Variants in NCOR1 observed in about 807,000 individuals in gnomAD.
NCOR1 encodes nuclear receptor corepressor 1.
NCOR1 carries 63 observed loss-of-function variants against 288.1 expected under a neutral mutation model. That is an observed-to-expected ratio of 0.22 (90% CI 0.18 to 0.27). The LOEUF (loss-of-function observed/expected upper bound fraction) is 0.27, where lower values mean the gene tolerates loss of function less well. NCOR1 is among the 10% of genes least tolerant of loss of function. The pLI is 1.00. For synonymous variants in NCOR1, 1,007 were observed against 1,065.9 expected, an observed-to-expected ratio of 0.94 and a Z score of 1.08; for missense variants, 2,397 against 3,019.2, an observed-to-expected ratio of 0.79 and a Z score of 4.83.
At chr17:16,145,602 G>C (rs532221581) in intron 10 of NCOR1, among the ~76,000 whole-genome samples, 1 of 151,868 alleles carries the variant, frequency 6.6e-6, no homozygotes. Flanking sequence ...AGTCTGAGAC[G>C]TGAGGAGCCC....
chr17:16,213,688 A>G (rs1442846823), intron 1 of NCOR1, among the ~76,000 whole-genome samples: 2 of 152,118 alleles, frequency 1.3e-5, no homozygotes, highest in East Asian at 3.8e-4. Context: ...AAACAATTTT[A>G]TAACTATTAA....
chr17:16,119,428 T>C lies in NCOR1; in HGVS notation c.1910A>G (p.Lys637Arg). Residue 637 changes from lysine (K) to arginine (R), a missense_variant, in exon 17 of 46, where the codon AAA (lysine) becomes AGA (arginine). Lys to Arg is a conservative substitution (Grantham distance 26). This residue lies in a region of NCOR1 where 24 missense variants were observed against 84.3 expected (regional missense o/e 0.28). Transcript: ENST00000268712. ...RWTEEEMEVA[K>R]KGLVEHGRNW... ...CCAGAACTACTACAATTTACCTTTT[T>C]TAGCAACTTCCATTTCTTCTTCTGT... is the stretch of plus-strand genomic sequence containing the variant. 6.2e-7 allele frequency: 1 copy of C among 1,609,782 alleles called. No homozygotes were observed. The highest frequency in any genetic ancestry group is 8.5e-7 in the Non-Finnish European group (1 of 1,177,480).
chr17:16,115,008 G>A (rs1451690910), intron 18 of NCOR1, among the ~76,000 whole-genome samples: 1 of 152,094 alleles, frequency 6.6e-6, no homozygotes, highest in African/African-American at 2.4e-5. Flanking sequence ...GCAAACTTCT[G>A]CTTGAACATC....
chr17:16,034,139 G>C (rs976209939), intron 45 of NCOR1, among the ~76,000 whole-genome samples: 1 of 152,218 alleles, frequency 6.6e-6, no homozygotes, highest in African/African-American at 2.4e-5. Context: ...GTTCTCAAAA[G>C]AACTAAAACC....
At position 16,121,282 on chromosome 17, in the gene NCOR1, G is replaced by C; in HGVS notation, c.1635-13C>G. 6.2e-7 allele frequency: 1 copy of C among 1,606,114 alleles called. No individual in the cohort carries two copies. Among genetic ancestry groups the C allele is most frequent in the Non-Finnish European group, 8.5e-7 (1 of 1,175,930 alleles). On this transcript the variant is annotated splice_polypyrimidine_tract_variant and intron_variant, in intron 15 of 45. Transcript: ENST00000268712. Reference sequence around the variant, plus strand: ...CTTGGTATTTTCTCTGGACACAAAAGCAAATGAAAACTTGTGTGATTCCAA... The same window carrying C: ...CTTGGTATTTTCTCTGGACACAAAACCAAATGAAAACTTGTGTGATTCCAA...
chr17:16,211,438 G>A (rs1265970373), intron 1 of NCOR1, among the ~76,000 whole-genome samples: 1 of 151,832 alleles, frequency 6.6e-6, no homozygotes, highest in South Asian at 2.1e-4. Context: ...TCGCTCTGTT[G>A]TGCAGGTTGG....
intron 14 of NCOR1, among the ~76,000 whole-genome samples, chr17:16,131,905 T>A (rs956906293): frequency 6.6e-6 from 1 of 152,206 alleles, no homozygotes; most frequent in Non-Finnish European, 1.5e-5. Context: ...AACCTAAGTA[T>A]CACTGACCCC....
rs758258008 is a variant in NCOR1 at position 16,040,228 on chromosome 17, C to A, written c.6733+213G>T. ...GACAGTGTTCTTTAATAGTTTCATTCTTTTTGTTCATTTATCTTTTCAATA... is the reference window on the plus strand; with the variant it reads ...GACAGTGTTCTTTAATAGTTTCATTATTTTTGTTCATTTATCTTTTCAATA... On this transcript the variant is annotated intron_variant, in intron 43 of 45. Coordinates refer to ENST00000268712, the MANE Select transcript of NCOR1 (RefSeq NM_006311.4). The A allele has an allele frequency of 2.7e-5, 18 of 659,630 alleles. No homozygotes were observed. In the East Asian group the frequency reaches 5.0e-4, roughly 18 times the overall value. The allele number at this position is 659,630 out of a possible 1,614,324, so 40.9% of individuals were successfully genotyped here.
Position 16,101,427 on chromosome 17 carries a change from C to G in NCOR1, c.2513G>C (p.Gly838Ala), listed in dbSNP as rs61320754. The change falls in exon 20 of 46, where the codon GGT (glycine) becomes GCT (alanine). Residue 838 changes from glycine (G) to alanine (A), a missense_variant. Coordinates refer to ENST00000268712, the MANE Select transcript of NCOR1 (RefSeq NM_006311.4). ...VPENHASKVE[G>A]DNTKERDLDR... Reference sequence around the variant, plus strand: ...CAAGTCTCTTTCTTTGGTATTATCACCTTCAACTTTAGATGCATGGTTTTC... The same window carrying G: ...CAAGTCTCTTTCTTTGGTATTATCAGCTTCAACTTTAGATGCATGGTTTTC... 1.0e-3 allele frequency: 1,681 copies of G among 1,614,188 alleles called. 18 individuals are homozygous for G. In the African/African-American group the frequency reaches 0.02, roughly 19 times the overall value.
chr17:16,208,035 CTT>C (rs71150278), intron 1 of NCOR1, among the ~76,000 whole-genome samples: 7 of 72,556 alleles, frequency 9.6e-5, no homozygotes, highest in African/African-American at 3.3e-4. Flanking sequence ...ATATTTCTTT[CTT>C]TTTTTTTTTT....
chr17:16,201,691 G>A (rs1278061743), intron 1 of NCOR1, among the ~76,000 whole-genome samples: 4 of 152,190 alleles, frequency 2.6e-5, no homozygotes, highest in Non-Finnish European at 4.4e-5. Context: ...GCAGTACAAT[G>A]TAACAATATC....
At chr17:16,208,813 A>C (rs1442477133) in intron 1 of NCOR1, among the ~76,000 whole-genome samples, 1 of 152,114 alleles carries the variant, frequency 6.6e-6, no homozygotes, top group Non-Finnish European at 1.5e-5. Context: ...TCCAGCCTGA[A>C]GCCTCCAGAG....
At position 16,072,147 on chromosome 17, in the gene NCOR1, T is replaced by C. The variant is rs2061829345; in HGVS notation, c.3893A>G (p.Gln1298Arg). The change falls in exon 29 of 46, where the codon CAG (glutamine) becomes CGG (arginine). Residue 1298 changes from glutamine to arginine, a missense_variant and splice_region_variant. Physicochemically the swap from Gln to Arg is conservative, Grantham distance 43. Transcript: ENST00000268712. ...ERTVLSGSIM[Q>R]GTPRATTESF... is the part of the protein sequence containing the mutation. The stretch of plus-strand genomic sequence containing the variant: ...TGCAAAACAAGCAGAAAGTTTACCC[T>C]GCATTATGGAGCCAGACAATACAGT... 6.2e-7 allele frequency: 1 copy of C among 1,605,046 alleles called. No individual in the cohort carries two copies. Among genetic ancestry groups the C allele is most frequent in the Non-Finnish European group, 8.5e-7 (1 of 1,175,358 alleles).
At chr17:16,187,676 G>A (rs897180997) in intron 2 of NCOR1, among the ~76,000 whole-genome samples, 2 of 152,036 alleles carry the variant, frequency 1.3e-5, no homozygotes, top group Non-Finnish European at 2.9e-5. Context: ...AGGCCAAGGT[G>A]GGCAGACTGC....
chr17:16,075,278 G>A (rs945591431), intron 27 of NCOR1, among the ~76,000 whole-genome samples: 4 of 152,152 alleles, frequency 2.6e-5, no homozygotes, highest in Admixed American at 2.6e-4. Context: ...TAAACTGACT[G>A]ACCACAGTCG....
At chr17:16,117,491 T>C (rs1305668271) in intron 18 of NCOR1, among the ~76,000 whole-genome samples, 1 of 146,908 alleles carries the variant, frequency 6.8e-6, no homozygotes, top group Non-Finnish European at 1.5e-5. Context: ...AAGGTTTCTC[T>C]TAAAACCAAT....
chr17:16,070,455 G>C lies in NCOR1; in HGVS notation c.4223C>G (p.Thr1408Arg). The C allele has an allele frequency of 6.2e-7, 1 of 1,614,152 alleles. No individual in the cohort carries two copies. The highest frequency in any genetic ancestry group is 8.5e-7 in the Non-Finnish European group (1 of 1,180,026). ...TCCACGGGATAGTTTGCTAGGCCCC[G>C]TGATTAAGGATTTGACATTGTGTTT... ...AIKHNVKSLI[T>R]GPSKLSRGMP... Residue 1408 changes from threonine (T) to arginine (R), a missense_variant, in exon 31 of 46, where the codon ACG (threonine) becomes AGG (arginine). Physicochemically the swap from Thr to Arg is moderately conservative, Grantham distance 71. Transcript: ENST00000268712.
intron 21 of NCOR1, among the ~76,000 whole-genome samples, chr17:16,095,847 C>T (rs1308109396): frequency 2.0e-5 from 3 of 152,054 alleles, no homozygotes; most frequent in Admixed American, 6.5e-5. Flanking sequence ...TCATTGAGAA[C>T]GGGCCATGAT....
At chr17:16,205,633 A>G (rs1363829121) in intron 1 of NCOR1, among the ~76,000 whole-genome samples, 1 of 115,630 alleles carries the variant, frequency 8.6e-6, no homozygotes, top group Non-Finnish European at 1.8e-5. Context: ...AAGAAAAGAA[A>G]AGAAAAGAAG....
Sources: gnomAD v4.1 joint callset for allele counts (sites outside exome capture counted in the v4.1 genomes callset) on GRCh38, gnomAD v4.1.1 for gene constraint, gnomAD v4.1.1 regional missense constraint, MANE v1.5 for transcripts, NCBI Gene and HGNC (gene_info 2026-07-23, HGNC 2026-07-21) for gene names.